Variants in REL observed in about 807,000 individuals in gnomAD.
REL encodes proto-oncogene c-Rel.
In REL, 15 loss-of-function variants were observed where a neutral mutation model predicts 45.9. The observed-to-expected ratio is 0.33, with a 90% confidence interval of 0.22 to 0.50. The LOEUF is 0.50. REL is among the 20% of genes least tolerant of loss of function. REL has a pLI of 0.98. For missense variants in REL, 601 were observed against 715.2 expected (o/e 0.84, Z 1.82); for synonymous variants, 239 against 242.1 (o/e 0.99, Z 0.12).
At chr2:60,907,609 G>C (rs570211688) in intron 4 of REL, among the ~76,000 whole-genome samples, 32 of 152,086 alleles carry the variant, frequency 2.1e-4, no homozygotes, top group Non-Finnish European at 4.3e-4. Flanking sequence ...ACTTCAGCCT[G>C]GGTGACAGTG....
rs754882399 is a variant in REL, at chr2:60,925,192, A to C, written c.*2657A>C. On this transcript the variant is annotated 3_prime_UTR_variant, in exon 10 of 10. Coordinates refer to ENST00000394479, the MANE Select transcript of REL (RefSeq NM_001291746.2). ...AACTAGAACCTGCCCTAAATGTTGA[A>C]TATCTTCCTAGCAAGAAACAGTCTG... 2.5e-5 allele frequency: 5 copies of C among 199,316 alleles called. No homozygotes were observed. 12.3% of individuals were successfully genotyped at this position (199,316 alleles called of 1,614,324 possible).
chr2:60,899,789 G>A (rs537879229), intron 3 of REL: 92 of 152,420 alleles, frequency 6.0e-4, no homozygotes, highest in Admixed American at 1.4e-3. Context: ...CCCCACCATC[G>A]TCTATGCTAC....
intron 4 of REL, among the ~76,000 whole-genome samples, chr2:60,903,820 C>T (rs1483708911): frequency 6.6e-6 from 1 of 151,964 alleles, no homozygotes; most frequent in Non-Finnish European, 1.5e-5. Context: ...TGTTAGCCAC[C>T]ACGCCTGGCC....
chr2:60,907,377 T>C (rs1673689838), intron 4 of REL, among the ~76,000 whole-genome samples: 1 of 152,084 alleles, frequency 6.6e-6, no homozygotes, highest in South Asian at 2.1e-4. Context: ...CCAGGCACGG[T>C]GGCTCATGCC....
chr2:60,918,628 A>C (rs778311287), intron 7 of REL, 22 bp downstream of exon 7: 1 of 1,527,416 alleles, frequency 6.5e-7, no homozygotes, highest in African/African-American at 1.4e-5. Context: ...TGCTGGTAAT[A>C]ATTTATATAT....
At chr2:60,898,757 A>G (rs909370023) in intron 3 of REL, among the ~76,000 whole-genome samples, 29 of 152,200 alleles carry the variant, frequency 1.9e-4, no homozygotes, top group African/African-American at 7.0e-4. Context: ...ATAAAACTTT[A>G]TTTGCAAAGA....
At position 60,930,975 on chromosome 2, in the gene REL, T is replaced by C. The variant is rs1274666195; in HGVS notation, c.*8440T>C. 6.6e-6 allele frequency: 1 copy of C among 152,348 alleles called. No individual in the cohort carries two copies. The highest frequency in any genetic ancestry group is 1.5e-5 in the Non-Finnish European group (1 of 68,034). 9.4% of individuals were successfully genotyped at this position (152,348 alleles called of 1,614,324 possible). On this transcript the variant is annotated 3_prime_UTR_variant, in exon 10 of 10. Coordinates refer to ENST00000394479, the MANE Select transcript of REL (RefSeq NM_001291746.2). ...AATCAGCAAGTAAATGAAATATAAA[T>C]TTTTGGTAAAAGTATCAAACATTCA...
rs548751875 is a variant in REL, at chr2:60,926,986, G to A, written c.*4451G>A. 1.1e-4 allele frequency: 26 copies of A among 227,080 alleles called. No individual in the cohort carries two copies. Among genetic ancestry groups the A allele is most frequent in the African/African-American group, 5.8e-4 (26 of 45,046 alleles). The allele number at this position is 227,080 out of a possible 1,614,324, so 14.1% of individuals were successfully genotyped here. ...TCTCAGGCCTCCATACCTTTAGCAT[G>A]TTACCCACTCTGCCTCTGCTCTTCT... On this transcript the variant is annotated 3_prime_UTR_variant, in exon 10 of 10. Coordinates refer to ENST00000394479, the MANE Select transcript of REL (RefSeq NM_001291746.2).
intron 4 of REL, among the ~76,000 whole-genome samples, chr2:60,907,063 G>A (rs1022606518): frequency 6.6e-6 from 1 of 151,394 alleles, no homozygotes; most frequent in South Asian, 2.1e-4. Flanking sequence ...GGGACTACAG[G>A]CACGCGCCAC....
intron 1 of REL, 42 bp downstream of exon 1, chr2:60,881,892 G>C: frequency 7.1e-7 from 1 of 1,405,488 alleles, no homozygotes; most frequent in Non-Finnish European, 9.4e-7. Context: ...GGGGAAAGGA[G>C]CTCTTCTGAA....
At chr2:60,909,265 G>GT (rs1193942354) in intron 4 of REL, among the ~76,000 whole-genome samples, 2 of 152,102 alleles carry the variant, frequency 1.3e-5, no homozygotes, top group African/African-American at 4.8e-5. Flanking sequence ...ATGTTGAAAG[G>GT]TTGAGTAAAT....
rs1558825897 is a variant in REL, at chr2:60,924,282, G to A, written c.*1747G>A. ...CATTTACTGTTTGTTTTCCCATACC[G>A]AAATATAAACTTTCTAAGGACAGAA... On this transcript the variant is annotated 3_prime_UTR_variant, in exon 10 of 10. Coordinates refer to ENST00000394479, the MANE Select transcript of REL (RefSeq NM_001291746.2). The A allele has an allele frequency of 4.5e-6, 1 of 223,114 alleles. No individual in the cohort carries two copies. 13.8% of individuals were successfully genotyped at this position (223,114 alleles called of 1,614,324 possible). A position where few individuals can be genotyped will look rare whatever the true frequency, so the allele number is the denominator to read the frequency against.
At chr2:60,901,652 G>A (rs1673501560) in intron 4 of REL, among the ~76,000 whole-genome samples, 1 of 152,108 alleles carries the variant, frequency 6.6e-6, no homozygotes, top group Non-Finnish European at 1.5e-5. Context: ...ACTTCAAAAT[G>A]TTGTGATCCT....
chr2:60,919,909 T>A (rs757068157), intron 7 of REL, 132 bp from the exon 8 acceptor site: 29 of 617,032 alleles, frequency 4.7e-5, no homozygotes, highest in Non-Finnish European at 8.4e-5. Flanking sequence ...TATTCTATAA[T>A]ACTTATTAAA....
intron 4 of REL, among the ~76,000 whole-genome samples, chr2:60,901,802 A>C (rs1429669148): frequency 6.6e-6 from 1 of 152,212 alleles, no homozygotes; most frequent in Non-Finnish European, 1.5e-5. Context: ...GTGGAAGAAG[A>C]AGCATAGAAA....
chr2:60,898,225 C>G (rs1673405043), intron 3 of REL, among the ~76,000 whole-genome samples: 1 of 152,208 alleles, frequency 6.6e-6, no homozygotes, highest in Non-Finnish European at 1.5e-5. Flanking sequence ...CCAGTGTGAT[C>G]TTTTAAAATA....
chr2:60,891,353 C>G (rs1348711993), intron 1 of REL, among the ~76,000 whole-genome samples: 2 of 152,148 alleles, frequency 1.3e-5, no homozygotes, highest in Non-Finnish European at 2.9e-5. Flanking sequence ...AACCCTTCTG[C>G]TAGGTCTCAC....
chr2:60,925,423 C>T lies in REL; in HGVS notation c.*2888C>T. 5.3e-6 allele frequency: 1 copy of T among 187,544 alleles called. No homozygotes were observed. Among genetic ancestry groups the T allele is most frequent in the Non-Finnish European group, 1.1e-5 (1 of 88,914 alleles). The allele number at this position is 187,544 out of a possible 1,614,324, so 11.6% of individuals were successfully genotyped here. A position where few individuals can be genotyped will look rare whatever the true frequency, so the allele number is the denominator to read the frequency against. ...AAGACCCCTGAGTACCATTAATATT[C>T]CTCAGAAATTATTATTTCAAAAGGA... On this transcript the variant is annotated 3_prime_UTR_variant, in exon 10 of 10. Transcript: ENST00000394479.
chr2:60,901,502 T>A (rs1321853786), intron 4 of REL, among the ~76,000 whole-genome samples: 1 of 152,232 alleles, frequency 6.6e-6, no homozygotes, highest in Non-Finnish European at 1.5e-5. Context: ...TGTGTTTACT[T>A]TTCTACTTGT....
Sources: allele counts gnomAD v4.1 joint callset (sites outside exome capture counted in the v4.1 genomes callset), GRCh38; gene constraint gnomAD v4.1.1; transcripts MANE v1.5; gene names NCBI Gene and HGNC (gene_info 2026-07-23, HGNC 2026-07-21).